SLIT2: variants seen among roughly 807,000 people sequenced by gnomAD.
The protein encoded by SLIT2 is slit homolog 2 protein.
In SLIT2, 41 loss-of-function variants were observed where a neutral mutation model predicts 185.7. The ratio of observed to expected loss-of-function variants is 0.22; its 90% CI spans 0.17 to 0.29. The LOEUF is 0.29. SLIT2 is among the 10% of genes least tolerant of loss of function. The probability of loss-of-function intolerance (pLI) is 1.00; values close to 1 mark genes in which losing one functional copy is unlikely to be tolerated. For missense variants in SLIT2, 1,571 were observed against 1,909.0 expected (o/e 0.82, Z 3.30); for synonymous variants, 693 against 680.2 (o/e 1.02, Z -0.29).
chr4:20,481,169 C>T (rs1421998492), intron 6 of SLIT2, among the ~76,000 whole-genome samples: 1 of 151,958 alleles, frequency 6.6e-6, no homozygotes, highest in East Asian at 1.9e-4. Context: ...AACACAGTTT[C>T]TCATTAAAAA....
chr4:20,598,477 G>A (rs2148962039), intron 33 of SLIT2, 82 bp downstream of exon 33: 1 of 1,524,366 alleles, frequency 6.6e-7, no homozygotes, highest in Non-Finnish European at 9.0e-7. Context: ...TTATTATGGA[G>A]AGGAGAGAGA....
chr4:20,568,259 A>G (rs1159899558), intron 28 of SLIT2, among the ~76,000 whole-genome samples: 1 of 152,122 alleles, frequency 6.6e-6, no homozygotes, highest in African/African-American at 2.4e-5. Context: ...GCTGCATTCT[A>G]TTATGAAGTT....
intron 4 of SLIT2, among the ~76,000 whole-genome samples, chr4:20,290,324 T>G (rs1715672086): frequency 6.6e-6 from 1 of 151,708 alleles, no homozygotes; most frequent in East Asian, 1.9e-4. Flanking sequence ...TTTGAAAAAA[T>G]GAAAAAGAAA....
At chr4:20,558,940 A>G (rs914451556) in intron 26 of SLIT2, among the ~76,000 whole-genome samples, 2 of 152,028 alleles carry the variant, frequency 1.3e-5, no homozygotes, top group Non-Finnish European at 2.9e-5. Context: ...TGAAATATAC[A>G]TGCATGTCTA....
chr4:20,297,689 T>A (rs202018679), intron 4 of SLIT2, among the ~76,000 whole-genome samples: 213 of 75,510 alleles, frequency 2.8e-3, no homozygotes, highest in East Asian at 0.01. Context: ...TTAAAAAAAA[T>A]CTCATGGGTT....
intron 30 of SLIT2, among the ~76,000 whole-genome samples, chr4:20,591,379 C>T (rs191419024): frequency 1.1e-4 from 17 of 152,212 alleles, no homozygotes; most frequent in Admixed American, 7.2e-4. Flanking sequence ...AAATATCAAT[C>T]TAAATTAAAT....
At position 20,488,924 on chromosome 4, in the gene SLIT2, C is replaced by T. The variant is rs756956744; in HGVS notation, c.717C>T (p.Pro239=). The T allele has an allele frequency of 1.9e-6, 3 of 1,611,836 alleles. No individual in the cohort carries two copies. The South Asian group carries it at 3.3e-5, about 18-fold the overall frequency. Residue 239 remains proline, a synonymous_variant, in exon 8 of 37, where the codon CCC becomes CCT. Transcript: ENST00000504154. ...GTCTGTACACTCAGTGTATGGGCCC[C>T]TCCCACCTGAGAGGCCATAATGTAG... ...RVGLYTQCMG[P]SHLRGHNVAE...
intron 4 of SLIT2, among the ~76,000 whole-genome samples, chr4:20,361,379 T>G (rs1722734399): frequency 6.6e-6 from 1 of 152,144 alleles, no homozygotes; most frequent in African/African-American, 2.4e-5. Flanking sequence ...AACTAAATCA[T>G]GTACTACTAA....
chr4:20,276,736 C>T (rs1198723676), intron 4 of SLIT2, among the ~76,000 whole-genome samples: 3 of 152,120 alleles, frequency 2.0e-5, no homozygotes, highest in Non-Finnish European at 4.4e-5. Flanking sequence ...GAGAACAGCA[C>T]AGAGAAAGGT....
intron 25 of SLIT2, chr4:20,552,829 T>G (rs1723891917): frequency 6.6e-6 from 1 of 152,222 alleles, no homozygotes; most frequent in African/African-American, 2.4e-5. Flanking sequence ...AATGCCATTG[T>G]ATGCATCTAC....
At chr4:20,542,265 T>C (rs1457912) in intron 20 of SLIT2, among the ~76,000 whole-genome samples, 75,280 of 152,054 alleles carry the variant, frequency 0.5, 19,736 homozygotes, top group Non-Finnish European at 0.59. Context: ...TAATTGTAAT[T>C]ACAGTTTACA....
intron 4 of SLIT2, among the ~76,000 whole-genome samples, chr4:20,371,276 G>T (rs1723548964): frequency 6.6e-6 from 1 of 151,744 alleles, no homozygotes; most frequent in Admixed American, 6.6e-5. Context: ...AACACACACT[G>T]GCCTTGATGC....
rs528389637 is a variant in SLIT2 at position 20,532,230 on chromosome 4, C to T, written c.1688+172C>T. Among the ~76,000 whole-genome samples the T allele has an allele frequency of 3.0e-3, 454 of 152,256 alleles. 1 individual carries two copies. Among genetic ancestry groups the T allele is most frequent in the African/African-American group, 0.01 (433 of 41,546 alleles). On this transcript the variant is annotated intron_variant, in intron 17 of 36. Transcript: ENST00000504154. ...TCTGCAAGGGACTTTTCTGTGTGTT[C>T]AGCAGTGTCAATCACATTTTCTGTA... is the stretch of plus-strand genomic sequence containing the variant.
chr4:20,366,177 A>T (rs1206227471), intron 4 of SLIT2, among the ~76,000 whole-genome samples: 2 of 150,368 alleles, frequency 1.3e-5, no homozygotes, highest in African/African-American at 2.4e-5. Context: ...GCTCCTCTCT[A>T]CTCCTCTTTG....
intron 4 of SLIT2, among the ~76,000 whole-genome samples, chr4:20,467,018 A>G (rs746307926): frequency 1.3e-5 from 2 of 152,140 alleles, no homozygotes; most frequent in Non-Finnish European, 2.9e-5. Flanking sequence ...AAGGAAAAAT[A>G]ATGATCCATT....
chr4:20,462,295 A>G (rs991925365), intron 4 of SLIT2, among the ~76,000 whole-genome samples: 3 of 152,120 alleles, frequency 2.0e-5, no homozygotes, highest in African/African-American at 7.2e-5. Flanking sequence ...AAGGTGCTCA[A>G]TATTTTTAAT....
At chr4:20,485,155 A>C (rs547724899) in intron 6 of SLIT2, among the ~76,000 whole-genome samples, 52 of 152,214 alleles carry the variant, frequency 3.4e-4, no homozygotes, top group African/African-American at 1.2e-3. Context: ...TCTACACTTT[A>C]CTTGTATACC....
At chr4:20,506,699 A>G (rs868248346) in intron 9 of SLIT2, among the ~76,000 whole-genome samples, 21 of 152,086 alleles carry the variant, frequency 1.4e-4, no homozygotes, top group African/African-American at 5.1e-4. Flanking sequence ...TAAAGACCCA[A>G]AAGTTTGCAA....
intron 4 of SLIT2, among the ~76,000 whole-genome samples, chr4:20,450,886 G>A (rs181277468): frequency 9.6e-4 from 146 of 152,262 alleles, no homozygotes; most frequent in Admixed American, 3.1e-3. Context: ...CTGTATCCAT[G>A]TTTAGGATGA....
Sources: allele counts gnomAD v4.1 joint callset (sites outside exome capture counted in the v4.1 genomes callset), GRCh38; gene constraint gnomAD v4.1.1; transcripts MANE v1.5; gene names NCBI Gene and HGNC (gene_info 2026-07-23, HGNC 2026-07-21).